The following NBAS variants were observed in gnomAD, a reference collection of about 807,000 sequenced individuals.
NBAS encodes NAG/BC035112 fusion.
A neutral mutation model predicts 302.5 loss-of-function variants in NBAS; 219 were observed. That is an observed-to-expected ratio of 0.72 (90% CI 0.65 to 0.81). NBAS has a LOEUF of 0.81. Ranked by LOEUF, NBAS falls within the 30% of genes least tolerant of loss-of-function variation. The pLI is 0.00. For missense variants in NBAS, 2,932 were observed against 2,841.6 expected, an observed-to-expected ratio of 1.03 and a Z score of -0.72; for synonymous variants, 1,118 against 1,021.6, an observed-to-expected ratio of 1.09 and a Z score of -1.80.
chr2:14,985,789 T>G, the NBAS span, among the ~76,000 whole-genome samples: 1 of 152,224 alleles, frequency 6.6e-6, no homozygotes, highest in South Asian at 2.1e-4. Context: ...TCCTTTATAC[T>G]TGATTTTGAG....
At chr2:14,833,212 G>T in the NBAS span, among the ~76,000 whole-genome samples, 2 of 152,222 alleles carry the variant, frequency 1.3e-5, no homozygotes, top group East Asian at 3.9e-4. Context: ...TAAATAAGCA[G>T]AAAGTTAAGG....
intron 50 of NBAS, among the ~76,000 whole-genome samples, chr2:15,183,220 G>A (rs142660656): frequency 6.6e-6 from 1 of 152,154 alleles, no homozygotes; most frequent in East Asian, 1.9e-4. Context: ...ATTCACATTT[G>A]AGCACATTTA....
intron 13 of NBAS, among the ~76,000 whole-genome samples, chr2:15,476,308 C>A (rs1680189233): frequency 6.6e-6 from 1 of 152,020 alleles, no homozygotes; most frequent in Admixed American, 6.6e-5. Context: ...GAGAAATACA[C>A]CCTTTAGAAA....
At chr2:15,087,573 G>T in the NBAS span, among the ~76,000 whole-genome samples, 1 of 152,198 alleles carries the variant, frequency 6.6e-6, no homozygotes, top group African/African-American at 2.4e-5. Context: ...TGTTCTCAGA[G>T]AACTCGTCAG....
chr2:15,532,143 C>G (rs1485310523), intron 9 of NBAS, among the ~76,000 whole-genome samples: 1 of 152,066 alleles, frequency 6.6e-6, no homozygotes, highest in Non-Finnish European at 1.5e-5. Context: ...TCATGAAATA[C>G]TATACAAGCT....
the NBAS span, among the ~76,000 whole-genome samples, chr2:14,981,973 C>G: frequency 6.6e-6 from 1 of 152,196 alleles, no homozygotes; most frequent in Admixed American, 6.5e-5. Flanking sequence ...CCCCTGGAAT[C>G]CATGCTTGCC....
chr2:15,112,070 T>C, the NBAS span, among the ~76,000 whole-genome samples: 1 of 150,418 alleles, frequency 6.6e-6, no homozygotes, highest in Admixed American at 6.6e-5. Context: ...AAATAAAGAG[T>C]AGCACAGCAT....
At chr2:15,072,294 C>A in the NBAS span, among the ~76,000 whole-genome samples, 1 of 152,076 alleles carries the variant, frequency 6.6e-6, no homozygotes, top group East Asian at 1.9e-4. Context: ...ATTTATTGGC[C>A]ATTTGTATTT....
At chr2:14,780,489 G>T in the NBAS span, among the ~76,000 whole-genome samples, 4 of 152,180 alleles carry the variant, frequency 2.6e-5, no homozygotes, top group East Asian at 7.7e-4. Context: ...GGATGGCACT[G>T]CCAGATGCAA....
At chr2:15,532,567 T>C (rs1206602944) in intron 9 of NBAS, among the ~76,000 whole-genome samples, 3 of 151,516 alleles carry the variant, frequency 2.0e-5, no homozygotes, top group Admixed American at 1.3e-4. Context: ...AAGTGAAAAT[T>C]CTTTGTGCAT....
the NBAS span, among the ~76,000 whole-genome samples, chr2:15,144,841 T>C: frequency 6.6e-6 from 1 of 152,162 alleles, no homozygotes; most frequent in Non-Finnish European, 1.5e-5. Context: ...TTTGAAGGAA[T>C]GGGGCAGGGC....
the NBAS span, among the ~76,000 whole-genome samples, chr2:14,874,376 C>G: frequency 6.6e-6 from 1 of 151,346 alleles, no homozygotes; most frequent in South Asian, 2.1e-4. Context: ...CCTGTAATCC[C>G]AGCACTTTGG....
At chr2:15,087,562 A>G in the NBAS span, among the ~76,000 whole-genome samples, 4 of 152,196 alleles carry the variant, frequency 2.6e-5, no homozygotes, top group African/African-American at 9.6e-5. Flanking sequence ...AAAATAGTAA[A>G]TGTTCTCAGA....
chr2:15,175,188 G>C (rs991775884), intron 51 of NBAS, among the ~76,000 whole-genome samples: 4 of 152,130 alleles, frequency 2.6e-5, no homozygotes, highest in African/African-American at 9.6e-5. Context: ...GGATGGTCTC[G>C]ATCTCCTGAC....
At chr2:15,545,805 C>G (rs1238369016) in intron 6 of NBAS, among the ~76,000 whole-genome samples, 4 of 152,204 alleles carry the variant, frequency 2.6e-5, no homozygotes, top group Non-Finnish European at 4.4e-5. Context: ...CAGCACTACT[C>G]CAATACCAAA....
the NBAS span, among the ~76,000 whole-genome samples, chr2:15,029,579 G>A: frequency 7.9e-5 from 12 of 152,196 alleles, no homozygotes; most frequent in East Asian, 1.9e-4. Flanking sequence ...GGAAGAACAC[G>A]CATGCGTATA....
In NBAS at chr2:15,558,070, A is replaced by G. The variant is rs192765015; in HGVS notation, c.172+510T>C. On this transcript the variant is annotated intron_variant, in intron 2 of 51. Transcript: ENST00000281513. ...TGGCTTTGACCTTCATTCCTTCTAG[A>G]ACAGCGTCCCCCAACCTTTTTGGCA... 3.9e-5 allele frequency among the ~76,000 whole-genome samples: 6 copies of G among 152,312 alleles called. No individual in the cohort carries two copies. In the East Asian group the frequency reaches 1.2e-3, roughly 29 times the overall value.
chr2:15,305,781 A>T (rs1671009489), intron 40 of NBAS, among the ~76,000 whole-genome samples: 1 of 152,152 alleles, frequency 6.6e-6, no homozygotes, highest in African/African-American at 2.4e-5. Context: ...AAAATGGACA[A>T]ATATAGTGGC....
chr2:15,325,106 T>A lies in NBAS; in HGVS notation c.4582+2644A>T, dbSNP rs186600799. Among the ~76,000 whole-genome samples, 4 of 152,334 alleles carry A rather than the reference T, an allele frequency of 2.6e-5. No homozygotes were observed. The South Asian group carries it at 8.3e-4, about 32-fold the overall frequency. ...CAGCCATCTTTAAGACCTTTAACTA[T>A]GTGCTTCCATTATTTTGCCTTTTTG... is the stretch of plus-strand genomic sequence containing the variant. On this transcript the variant is annotated intron_variant, in intron 38 of 51. Transcript: ENST00000281513.
Sources: gnomAD v4.1 joint callset for allele counts (sites outside exome capture counted in the v4.1 genomes callset) on GRCh38, gnomAD v4.1.1 for gene constraint, MANE v1.5 for transcripts, NCBI Gene and HGNC (gene_info 2026-07-23, HGNC 2026-07-21) for gene names.